The following LGSN variants were observed in gnomAD, a reference collection of about 807,000 sequenced individuals.
The protein encoded by LGSN is lengsin, lens protein with glutamine synthetase domain.
A neutral mutation model predicts 19.5 loss-of-function variants in LGSN; 21 were observed. The observed-to-expected ratio is 1.07, with a 90% CI of 0.76 to 1.55. The LOEUF (loss-of-function observed/expected upper bound fraction) is 1.55. Among genes scored for constraint, LGSN ranks in the 40% most tolerant of loss-of-function variants. LGSN has a pLI of 0.00. For synonymous variants in LGSN, 257 were observed against 215.6 expected, an observed-to-expected ratio of 1.19 and a Z score of -1.68; for missense variants, 673 against 608.5, an observed-to-expected ratio of 1.11 and a Z score of -1.12.
chr6:63,461,811 A>G, the LGSN span, among the ~76,000 whole-genome samples: 2 of 152,230 alleles, frequency 1.3e-5, no homozygotes, highest in African/African-American at 4.8e-5. Flanking sequence ...ATTATACTGC[A>G]TCAATGTCAG....
At chr6:63,421,763 A>G in the LGSN span, among the ~76,000 whole-genome samples, 1 of 152,146 alleles carries the variant, frequency 6.6e-6, no homozygotes, top group South Asian at 2.1e-4. Flanking sequence ...AAATTATTCA[A>G]TATGAACAAT....
the LGSN span, chr6:63,441,360 C>G: frequency 2.1e-6 from 1 of 475,778 alleles, no homozygotes; most frequent in Admixed American, 2.4e-5. Context: ...CAACAACAGG[C>G]TGGTCACCTT....
At chr6:63,390,873 A>G in the LGSN span, among the ~76,000 whole-genome samples, 620 of 149,002 alleles carry the variant, frequency 4.2e-3, 3 homozygotes, top group Non-Finnish European at 5.6e-3. Context: ...AAAAAAAAAA[A>G]AAAAGAAAAG....
At chr6:63,501,275 T>C in the LGSN span, among the ~76,000 whole-genome samples, 1 of 151,762 alleles carries the variant, frequency 6.6e-6, no homozygotes, top group East Asian at 2.0e-4. Context: ...GGCAGGGGAA[T>C]TGCTTGAACC....
the LGSN span, among the ~76,000 whole-genome samples, chr6:63,515,880 A>G: frequency 2.0e-5 from 3 of 152,230 alleles, no homozygotes; most frequent in Non-Finnish European, 4.4e-5. Flanking sequence ...CAAGTAAGAT[A>G]TTAAAGAATT....
intron 1 of LGSN, among the ~76,000 whole-genome samples, chr6:63,303,118 C>A (rs1281057822): frequency 1.3e-5 from 2 of 152,110 alleles, no homozygotes; most frequent in African/African-American, 2.4e-5. Flanking sequence ...ATACTGGTGT[C>A]ATGACTATTC....
At chr6:63,341,142 A>G in the LGSN span, among the ~76,000 whole-genome samples, 2 of 152,306 alleles carry the variant, frequency 1.3e-5, no homozygotes, top group African/African-American at 2.4e-5. Flanking sequence ...CTGGAACACC[A>G]GGCAGTCCAG....
chr6:63,432,587 G>C, the LGSN span, among the ~76,000 whole-genome samples: 1 of 151,970 alleles, frequency 6.6e-6, no homozygotes, highest in Non-Finnish European at 1.5e-5. Flanking sequence ...AGCTACTCGG[G>C]AGGCTGAGGC....
chr6:63,456,346 A>AATATATATATATATAT, the LGSN span, among the ~76,000 whole-genome samples: 38 of 100,496 alleles, frequency 3.8e-4, 6 homozygotes, highest in South Asian at 9.8e-4. Flanking sequence ...ACTTGGCAGA[A>AATATATATATATATAT]ATATACATAT....
the LGSN span, among the ~76,000 whole-genome samples, chr6:63,418,239 A>G: frequency 2.6e-5 from 4 of 152,192 alleles, no homozygotes; most frequent in African/African-American, 9.6e-5. Flanking sequence ...TCCTCACAGT[A>G]ATGTCAACTA....
At chr6:63,340,632 ATCTATCTCTTTGT>A in the LGSN span, among the ~76,000 whole-genome samples, 2 of 142,572 alleles carry the variant, frequency 1.4e-5, no homozygotes, top group African/African-American at 5.3e-5. Context: ...TTTTAATGAT[ATCTATCTCTTTGT>A]TGAATTTCTC....
intron 3 of LGSN, among the ~76,000 whole-genome samples, chr6:63,284,079 G>A (rs1206656749): frequency 2.0e-5 from 3 of 152,020 alleles, no homozygotes; most frequent in African/African-American, 7.2e-5. Flanking sequence ...AATATTAATT[G>A]TGCTAATACT....
At chr6:63,543,119 C>A in the LGSN span, among the ~76,000 whole-genome samples, 1 of 152,172 alleles carries the variant, frequency 6.6e-6, no homozygotes, top group Non-Finnish European at 1.5e-5. Context: ...GCTGTGACAT[C>A]ATTTCATTCA....
chr6:63,380,400 C>T, the LGSN span, among the ~76,000 whole-genome samples: 1,161 of 152,234 alleles, frequency 7.6e-3, 8 homozygotes, highest in African/African-American at 0.026. Context: ...AGTCTGCAGA[C>T]GCATATCACA....
At chr6:63,360,813 G>A in the LGSN span, among the ~76,000 whole-genome samples, 1 of 152,124 alleles carries the variant, frequency 6.6e-6, no homozygotes, top group African/African-American at 2.4e-5. Flanking sequence ...TTCGATGATG[G>A]TGATGTACAG....
chr6:63,390,286 C>T, the LGSN span, among the ~76,000 whole-genome samples: 5 of 151,660 alleles, frequency 3.3e-5, no homozygotes, highest in Middle Eastern at 6.8e-3. Flanking sequence ...TGCACCACCA[C>T]TACTGGCTAA....
At chr6:63,408,792 G>T in the LGSN span, among the ~76,000 whole-genome samples, 1 of 151,916 alleles carries the variant, frequency 6.6e-6, no homozygotes, top group South Asian at 2.1e-4. Context: ...CTGACAAAGG[G>T]CTAATATCCA....
the LGSN span, among the ~76,000 whole-genome samples, chr6:63,482,139 A>G: frequency 6.6e-6 from 1 of 152,124 alleles, no homozygotes; most frequent in South Asian, 2.1e-4. Context: ...TACACTTGAC[A>G]TATTATTTCT....
chr6:63,453,588 G>C, the LGSN span, among the ~76,000 whole-genome samples: 1 of 151,252 alleles, frequency 6.6e-6, no homozygotes, highest in Non-Finnish European at 1.5e-5. Flanking sequence ...GAACCACCCT[G>C]CTTTTTTTTT....
Sources: allele counts gnomAD v4.1 joint callset (sites outside exome capture counted in the v4.1 genomes callset), GRCh38; gene constraint gnomAD v4.1.1; transcripts MANE v1.5; gene names NCBI Gene and HGNC (gene_info 2026-07-23, HGNC 2026-07-21).